CSMD1: variants seen among roughly 807,000 people sequenced by gnomAD.
CSMD1 encodes CUB and Sushi multiple domains 1.
Under a neutral mutation model 417.5 loss-of-function variants are expected in CSMD1, and 213 were observed. That is an observed-to-expected ratio of 0.51 (90% CI 0.46 to 0.57). CSMD1 has a LOEUF of 0.57. Among genes scored for constraint, CSMD1 ranks in the 20% least tolerant of loss-of-function variants. The probability of loss-of-function intolerance (pLI) is 0.00; values close to 1 mark genes in which losing one functional copy is unlikely to be tolerated. For synonymous variants in CSMD1, 2,862 were observed against 1,736.8 expected, an observed-to-expected ratio of 1.65 and a Z score of -16.11; for missense variants, 6,923 against 4,529.7, an observed-to-expected ratio of 1.53 and a Z score of -15.17.
chr8:3,180,806 G>GTAC (rs758751153), intron 37 of CSMD1, among the ~76,000 whole-genome samples: 1 of 151,366 alleles, frequency 6.6e-6, no homozygotes, highest in Non-Finnish European at 1.5e-5. Context: ...ATTTTTTTTT[G>GTAC]TATTATTATT....
Position 3,393,594 on chromosome 8 carries a change from G to A in CSMD1, c.2593+2600C>T, listed in dbSNP as rs139720533. 4.7e-3 allele frequency among the ~76,000 whole-genome samples: 708 copies of A among 152,142 alleles called. 4 individuals carry two copies. Among genetic ancestry groups the A allele is most frequent in the Non-Finnish European group, 7.5e-3 (510 of 67,998 alleles). ...GCAAAGACTTGGAAACAACCCAAATGCCTAAAAATGATAGACTGGATTGAG... is the reference window on the plus strand; with the variant it reads ...GCAAAGACTTGGAAACAACCCAAATACCTAAAAATGATAGACTGGATTGAG... On this transcript the variant is annotated intron_variant, in intron 17 of 69. Transcript: ENST00000635120.
At chr8:4,592,062 G>T (rs552779071) in intron 2 of CSMD1, among the ~76,000 whole-genome samples, 46 of 152,164 alleles carry the variant, frequency 3.0e-4, no homozygotes, top group African/African-American at 1.1e-3. Context: ...CTGAGGTACC[G>T]GAGGGACGTC....
intron 26 of CSMD1, among the ~76,000 whole-genome samples, chr8:3,254,292 C>A (rs1017407452): frequency 5.3e-5 from 8 of 152,174 alleles, no homozygotes; most frequent in African/African-American, 1.9e-4. Flanking sequence ...ACCTTTCTCT[C>A]TGGCTGCCCT....
chr8:3,897,498 A>G (rs1283224503), intron 5 of CSMD1, among the ~76,000 whole-genome samples: 1 of 152,174 alleles, frequency 6.6e-6, no homozygotes, highest in Non-Finnish European at 1.5e-5. Context: ...TCTTAAAGTC[A>G]TGCATAAACT....
chr8:3,400,877 A>G (rs1305087475), intron 15 of CSMD1, among the ~76,000 whole-genome samples: 2 of 151,316 alleles, frequency 1.3e-5, no homozygotes, highest in African/African-American at 4.8e-5. Flanking sequence ...TCTGTAGTTT[A>G]AAAATATGAA....
intron 68 of CSMD1, among the ~76,000 whole-genome samples, chr8:2,944,437 C>T (rs1802084865): frequency 6.6e-6 from 1 of 152,070 alleles, no homozygotes; most frequent in African/African-American, 2.4e-5. Flanking sequence ...GCAGTGGTGC[C>T]CTACTCAGAT....
chr8:3,923,708 C>A (rs2954612), intron 5 of CSMD1, among the ~76,000 whole-genome samples: 1 of 152,038 alleles, frequency 6.6e-6, no homozygotes, highest in East Asian at 1.9e-4. Context: ...CAATAAATCT[C>A]TAGTTCTTAT....
intron 5 of CSMD1, among the ~76,000 whole-genome samples, chr8:3,765,760 C>T (rs891587597): frequency 1.3e-5 from 2 of 152,184 alleles, no homozygotes; most frequent in South Asian, 4.1e-4. Flanking sequence ...CTGGCATCCT[C>T]CTTTTGTTTG....
chr8:4,451,392 T>A (rs1799136962), intron 2 of CSMD1, among the ~76,000 whole-genome samples: 1 of 152,252 alleles, frequency 6.6e-6, no homozygotes, highest in Admixed American at 6.5e-5. Flanking sequence ...AGATAATTAT[T>A]GAACATGTGC....
At chr8:4,803,758 G>T (rs953747591) in intron 1 of CSMD1, among the ~76,000 whole-genome samples, 20 of 152,118 alleles carry the variant, frequency 1.3e-4, no homozygotes, top group African/African-American at 4.8e-4. Context: ...TTTTTTCAAA[G>T]AACGTTATTG....
intron 41 of CSMD1, among the ~76,000 whole-genome samples, chr8:3,138,443 C>T (rs188021197): frequency 2.6e-5 from 4 of 152,296 alleles, no homozygotes; most frequent in Non-Finnish European, 5.9e-5. Context: ...CACCACCACA[C>T]TTCATTTTGA....
intron 25 of CSMD1, among the ~76,000 whole-genome samples, chr8:3,294,868 C>T (rs1803848364): frequency 6.6e-6 from 1 of 152,094 alleles, no homozygotes; most frequent in Admixed American, 6.6e-5. Flanking sequence ...TGAGATGTAC[C>T]CGGTACCTTA....
chr8:4,878,698 C>A (rs1367828998), intron 1 of CSMD1, among the ~76,000 whole-genome samples: 1 of 151,786 alleles, frequency 6.6e-6, no homozygotes, highest in African/African-American at 2.4e-5. Context: ...GTATTTTACC[C>A]ATTTTTACAG....
At chr8:4,934,335 G>A (rs76350482) in intron 1 of CSMD1, among the ~76,000 whole-genome samples, 46,989 of 152,036 alleles carry the variant, frequency 0.31, 8,201 homozygotes, top group Middle Eastern at 0.4. Flanking sequence ...GCAGCCCTAT[G>A]TATTAAATTC....
At chr8:4,826,749 G>C (rs984898846) in intron 1 of CSMD1, among the ~76,000 whole-genome samples, 1 of 152,084 alleles carries the variant, frequency 6.6e-6, no homozygotes, top group African/African-American at 2.4e-5. Flanking sequence ...TGGAGAGACA[G>C]TTCTGTTTTA....
chr8:4,336,385 G>C (rs533122417), intron 3 of CSMD1, among the ~76,000 whole-genome samples: 31 of 152,214 alleles, frequency 2.0e-4, no homozygotes, highest in African/African-American at 7.2e-4. Flanking sequence ...GCCTGACTAG[G>C]CGTGACCCAT....
chr8:4,007,995 T>C (rs1585122762), intron 4 of CSMD1, among the ~76,000 whole-genome samples: 1 of 152,354 alleles, frequency 6.6e-6, no homozygotes, highest in East Asian at 1.9e-4. Context: ...GATTCATAAT[T>C]GTAGCAATCC....
intron 23 of CSMD1, among the ~76,000 whole-genome samples, chr8:3,318,309 G>T (rs1423994963): frequency 6.6e-6 from 1 of 152,148 alleles, no homozygotes; most frequent in Non-Finnish European, 1.5e-5. Context: ...AATCTCTGTA[G>T]TTCTCTAATT....
intron 3 of CSMD1, among the ~76,000 whole-genome samples, chr8:4,071,493 A>G (rs928052670): frequency 2.0e-5 from 3 of 152,102 alleles, no homozygotes; most frequent in African/African-American, 7.2e-5. Flanking sequence ...TTTTTCACCA[A>G]GAGCATTGCT....
Sources: gnomAD v4.1 joint callset for allele counts (sites outside exome capture counted in the v4.1 genomes callset) on GRCh38, gnomAD v4.1.1 for gene constraint, MANE v1.5 for transcripts, NCBI Gene and HGNC (gene_info 2026-07-23, HGNC 2026-07-21) for gene names.